LRRTM3: variants seen among roughly 807,000 people sequenced by gnomAD.
LRRTM3 encodes the protein leucine-rich repeat transmembrane neuronal protein 3.
In LRRTM3, 24 loss-of-function variants were observed where a neutral mutation model predicts 44.7. That is an observed-to-expected ratio of 0.54 (90% CI 0.39 to 0.76). The LOEUF (loss-of-function observed/expected upper bound fraction) is 0.76. Ranked by LOEUF, LRRTM3 falls within the 30% of genes least tolerant of loss-of-function variation. The probability of loss-of-function intolerance (pLI) is 0.00; values close to 1 mark genes in which losing one functional copy is unlikely to be tolerated. For missense variants in LRRTM3, 587 were observed against 702.2 expected, an observed-to-expected ratio of 0.84 and a Z score of 1.85; for synonymous variants, 277 against 278.7, an observed-to-expected ratio of 0.99 and a Z score of 0.06.
intron 2 of LRRTM3, among the ~76,000 whole-genome samples, chr10:66,945,144 TCTC>T (rs962215172): frequency 2.6e-5 from 4 of 152,170 alleles, no homozygotes; most frequent in African/African-American, 7.2e-5. Flanking sequence ...GGCATTGACT[TCTC>T]CTCTCTAGCT....
chr10:67,089,710 T>C (rs1468047880), intron 2 of LRRTM3, among the ~76,000 whole-genome samples: 1 of 130,014 alleles, frequency 7.7e-6, no homozygotes, highest in Non-Finnish European at 1.6e-5. Context: ...CATATGTGTA[T>C]ATACATATGT....
At chr10:66,969,829 C>T (rs1245285978) in intron 2 of LRRTM3, among the ~76,000 whole-genome samples, 1 of 152,060 alleles carries the variant, frequency 6.6e-6, no homozygotes, top group Admixed American at 6.6e-5. Flanking sequence ...CATAAGGCTT[C>T]CTGACCCTAG....
At chr10:66,964,407 A>G (rs1849289520) in intron 2 of LRRTM3, among the ~76,000 whole-genome samples, 1 of 152,100 alleles carries the variant, frequency 6.6e-6, no homozygotes, top group Middle Eastern at 3.2e-3. Flanking sequence ...ATACATTTTT[A>G]AACTGGCACA....
In LRRTM3 at chr10:67,014,054, A is replaced by G. The variant is rs74737936; in HGVS notation, c.1537-83533A>G. Among the ~76,000 whole-genome samples the G allele has an allele frequency of 4.8e-3, 736 of 152,270 alleles. 14 individuals carry two copies. Among genetic ancestry groups the G allele is most frequent in the African/African-American group, 0.017 (695 of 41,542 alleles). Reference sequence around the variant, plus strand: ...CAGAGACAAAAGGGGGAGTGTAAAAAATAACCTTTTTTCCCCTTAAAGCAA... The same window carrying G: ...CAGAGACAAAAGGGGGAGTGTAAAAGATAACCTTTTTTCCCCTTAAAGCAA... On this transcript the variant is annotated intron_variant, in intron 2 of 2. Coordinates refer to ENST00000361320, the MANE Select transcript of LRRTM3 (RefSeq NM_178011.5).
At chr10:67,016,752 A>G (rs975651950) in intron 2 of LRRTM3, among the ~76,000 whole-genome samples, 2 of 152,162 alleles carry the variant, frequency 1.3e-5, no homozygotes, top group Non-Finnish European at 2.9e-5. Flanking sequence ...AATTTGTATC[A>G]TTGCAGTTGT....
At chr10:67,084,575 T>A (rs187010410) in intron 2 of LRRTM3, among the ~76,000 whole-genome samples, 1 of 152,064 alleles carries the variant, frequency 6.6e-6, no homozygotes, top group African/African-American at 2.4e-5. Context: ...GATCCTACAT[T>A]AGATTTCCTT....
intron 2 of LRRTM3, among the ~76,000 whole-genome samples, chr10:67,038,827 A>T (rs1854222919): frequency 6.6e-6 from 1 of 152,080 alleles, no homozygotes; most frequent in South Asian, 2.1e-4. Flanking sequence ...AAGTAAATGC[A>T]TAAAATGAAA....
intron 2 of LRRTM3, among the ~76,000 whole-genome samples, chr10:66,976,146 A>G (rs1025840304): frequency 6.6e-6 from 1 of 152,200 alleles, no homozygotes; most frequent in African/African-American, 2.4e-5. Context: ...TGTAAAACAT[A>G]TGTTCTTGTG....
chr10:66,929,048 A>C (rs1847228815), intron 2 of LRRTM3, among the ~76,000 whole-genome samples: 1 of 152,214 alleles, frequency 6.6e-6, no homozygotes, highest in Non-Finnish European at 1.5e-5. Context: ...GAGGTGTCTG[A>C]ATTACAGTAA....
intron 2 of LRRTM3, among the ~76,000 whole-genome samples, chr10:67,073,643 A>C (rs1856583738): frequency 6.6e-6 from 1 of 152,172 alleles, no homozygotes; most frequent in Non-Finnish European, 1.5e-5. Context: ...AATCACACAC[A>C]AAAAATAATA....
chr10:67,076,308 A>G (rs562310290), intron 2 of LRRTM3, among the ~76,000 whole-genome samples: 1 of 152,366 alleles, frequency 6.6e-6, no homozygotes, highest in African/African-American at 2.4e-5. Flanking sequence ...AGATCATGTT[A>G]CTTCAGTCCT....
Position 66,926,130 on chromosome 10 carries a change from C to T in LRRTM3, c.-454C>T. The T allele has an allele frequency of 2.2e-6, 1 of 459,330 alleles. No homozygotes were observed. Among genetic ancestry groups the T allele is most frequent in the Non-Finnish European group, 4.4e-6 (1 of 228,816 alleles). 28.5% of individuals were successfully genotyped at this position (459,330 alleles called of 1,614,324 possible). ...TCCTGCCTTCTGGGCTCCAACGCAG[C>T]TCTGTGGCTGAACTGGGTGCTCATC... On this transcript the variant is annotated 5_prime_UTR_variant, in exon 1 of 3. Transcript: ENST00000361320.
intron 2 of LRRTM3, among the ~76,000 whole-genome samples, chr10:66,958,762 G>A (rs1225293051): frequency 1.3e-5 from 2 of 152,062 alleles, no homozygotes; most frequent in Non-Finnish European, 2.9e-5. Context: ...TCCTAATTTT[G>A]ATTCTCACAC....
chr10:67,040,252 C>T (rs954768349), intron 2 of LRRTM3, among the ~76,000 whole-genome samples: 2 of 152,056 alleles, frequency 1.3e-5, no homozygotes, highest in African/African-American at 4.8e-5. Context: ...TACATGTGAT[C>T]CTAAGGGTTC....
At chr10:67,050,541 C>T (rs1855021284) in intron 2 of LRRTM3, among the ~76,000 whole-genome samples, 1 of 152,178 alleles carries the variant, frequency 6.6e-6, no homozygotes, top group Non-Finnish European at 1.5e-5. Flanking sequence ...CTTCCAGTTA[C>T]TGCAGCAAAA....
chr10:66,941,494 T>C (rs1847991863), intron 2 of LRRTM3, among the ~76,000 whole-genome samples: 1 of 152,172 alleles, frequency 6.6e-6, no homozygotes, highest in African/African-American at 2.4e-5. Context: ...AACGCAGGAA[T>C]CTTCACCTCT....
In LRRTM3 at chr10:66,995,283, C is replaced by T. The variant is rs532892747; in HGVS notation, c.1536+66831C>T. Among the ~76,000 whole-genome samples the T allele has an allele frequency of 2.6e-5, 4 of 152,254 alleles. No individual in the cohort carries two copies. In the South Asian group the frequency reaches 6.2e-4, roughly 24 times the overall value. ...TGTCACTGAAGACACTTTTTCCTCT[C>T]TGTTACTTCTCATATCAAATTGGTT... On this transcript the variant is annotated intron_variant, in intron 2 of 2. Coordinates refer to ENST00000361320, the MANE Select transcript of LRRTM3 (RefSeq NM_178011.5).
intron 2 of LRRTM3, among the ~76,000 whole-genome samples, chr10:67,071,160 T>C (rs1045112358): frequency 6.6e-6 from 1 of 152,182 alleles, no homozygotes; most frequent in African/African-American, 2.4e-5. Context: ...TAGTTCACAT[T>C]CATTTGTATA....
At chr10:67,038,512 G>A (rs981016016) in intron 2 of LRRTM3, among the ~76,000 whole-genome samples, 1 of 152,058 alleles carries the variant, frequency 6.6e-6, no homozygotes. Flanking sequence ...TGAAAATGAG[G>A]TTGATATATA....
Sources: allele counts gnomAD v4.1 joint callset (sites outside exome capture counted in the v4.1 genomes callset), GRCh38; gene constraint gnomAD v4.1.1; transcripts MANE v1.5; gene names NCBI Gene and HGNC (gene_info 2026-07-23, HGNC 2026-07-21).